MED30: variants seen among roughly 807,000 people sequenced by gnomAD.
The protein encoded by MED30 is mediator of RNA polymerase II transcription subunit 30.
In MED30, 8 loss-of-function variants were observed where a neutral mutation model predicts 21.7. The ratio of observed to expected loss-of-function variants is 0.37; its 90% CI spans 0.22 to 0.67. The LOEUF (loss-of-function observed/expected upper bound fraction) is 0.67, where lower values mean the gene tolerates loss of function less well. Ranked by LOEUF, MED30 falls within the 30% of genes least tolerant of loss-of-function variation. The pLI is 0.58. For missense variants in MED30, 203 were observed against 228.2 expected (o/e 0.89, Z 0.71); for synonymous variants, 79 against 86.7 (o/e 0.91, Z 0.49).
chr8:117,537,601 A>G (rs1818902533), intron 3 of MED30, among the ~76,000 whole-genome samples: 1 of 152,006 alleles, frequency 6.6e-6, no homozygotes, highest in East Asian at 1.9e-4. Context: ...AAAATACCCT[A>G]CAAATTTTAG....
chr8:117,532,029 G>C (rs908353019), intron 3 of MED30, among the ~76,000 whole-genome samples: 3 of 151,906 alleles, frequency 2.0e-5, no homozygotes, highest in African/African-American at 7.2e-5. Flanking sequence ...ATTGACTCTT[G>C]TAACAATTAA....
intron 1 of MED30, 118 bp downstream of exon 1, chr8:117,521,171 G>T: frequency 1.1e-6 from 1 of 944,790 alleles, no homozygotes; most frequent in Non-Finnish European, 1.5e-6. Flanking sequence ...AACCTTAGGT[G>T]TAGGGTCTCC....
chr8:117,530,738 G>T lies in MED30; in HGVS notation c.352G>T (p.Val118Leu). The T allele has an allele frequency of 6.2e-7, 1 of 1,610,662 alleles. No homozygotes were observed. Among genetic ancestry groups the T allele is most frequent in the Non-Finnish European group, 8.5e-7 (1 of 1,178,122 alleles). Residue 118 changes from valine (V) to leucine (L), a missense_variant, in exon 3 of 4, where the codon GTG becomes TTG. Val to Leu is a conservative substitution (Grantham distance 32). Transcript: ENST00000297347. Reference sequence around the variant, plus strand: ...TCATTCCCAGCAACTTATTCCATATGTGGAAGAAGATGGCTCAAAGAATGA... The same window carrying T: ...TCATTCCCAGCAACTTATTCCATATTTGGAAGAAGATGGCTCAAAGAATGA... ...PIPVEQLIPY[V>L]EEDGSKNDDR...
chr8:117,528,505 CTTAAAA>C, intron 1 of MED30, 140 bp from the exon 2 acceptor site: 2 of 555,262 alleles, frequency 3.6e-6, no homozygotes, highest in Non-Finnish European at 5.9e-6. Flanking sequence ...CTCTTAAATT[CTTAAAA>C]TTAAACTTGA....
rs1257160513 is a variant in MED30 at position 117,539,854 on chromosome 8, A to G, written c.442-29A>G. On this transcript the variant is annotated intron_variant, in intron 3 of 3. Transcript: ENST00000297347. ...CTTCATGGTCTATATTTCCTGAAAC[A>G]TTTTTGATAAATTCTTTTGTTTCTA... 6 of 1,364,090 alleles carry G rather than the reference A, an allele frequency of 4.4e-6. No homozygotes were observed. The South Asian group carries it at 6.0e-5, about 14-fold the overall frequency. 84.5% of individuals were successfully genotyped at this position (1,364,090 alleles called of 1,614,324 possible). A position where few individuals can be genotyped will look rare whatever the true frequency, so the allele number is the denominator to read the frequency against.
intron 1 of MED30, among the ~76,000 whole-genome samples, chr8:117,522,043 T>C (rs1000496949): frequency 6.6e-6 from 1 of 152,230 alleles, no homozygotes; most frequent in African/African-American, 2.4e-5. Context: ...AATGTAAACA[T>C]TGCTGTTTGA....
chr8:117,527,389 C>G (rs1415233631), intron 1 of MED30, among the ~76,000 whole-genome samples: 1 of 151,846 alleles, frequency 6.6e-6, no homozygotes, highest in African/African-American at 2.4e-5. Context: ...TCTGAAACTC[C>G]TAATAATATC....
chr8:117,526,768 G>T (rs1412522708), intron 1 of MED30, among the ~76,000 whole-genome samples: 1 of 151,956 alleles, frequency 6.6e-6, no homozygotes, highest in Non-Finnish European at 1.5e-5. Context: ...TCTTTTTAAT[G>T]ATTTAGTAAG....
chr8:117,535,081 C>T (rs1357734655), intron 3 of MED30, among the ~76,000 whole-genome samples: 1 of 151,874 alleles, frequency 6.6e-6, no homozygotes, highest in Non-Finnish European at 1.5e-5. Context: ...CAGCCTCTCT[C>T]TCCTGGACCC....
chr8:117,536,533 A>G (rs1818880538), intron 3 of MED30, among the ~76,000 whole-genome samples: 1 of 152,160 alleles, frequency 6.6e-6, no homozygotes. Context: ...AGAAGAACAT[A>G]TTGATGGTGT....
At chr8:117,539,180 G>A (rs1818935335) in intron 3 of MED30, among the ~76,000 whole-genome samples, 1 of 152,122 alleles carries the variant, frequency 6.6e-6, no homozygotes, top group African/African-American at 2.4e-5. Flanking sequence ...AAATAATTAG[G>A]TCAGTGTTGT....
intron 1 of MED30, among the ~76,000 whole-genome samples, chr8:117,527,937 C>G (rs879858845): frequency 6.6e-6 from 1 of 151,598 alleles, no homozygotes; most frequent in Non-Finnish European, 1.5e-5. Flanking sequence ...AATAAATAGT[C>G]GATTTTTGTT....
At chr8:117,523,283 G>C in intron 1 of MED30, 1 of 1,212,068 alleles carries the variant, frequency 8.3e-7, no homozygotes, top group Non-Finnish European at 1.2e-6. Flanking sequence ...GGCTGACCAT[G>C]TCCACGACCA....
intron 3 of MED30, among the ~76,000 whole-genome samples, chr8:117,536,962 CAA>C (rs1263687236): frequency 1.3e-5 from 2 of 152,182 alleles, no homozygotes; most frequent in Admixed American, 6.5e-5. Context: ...AGAAAGCTTA[CAA>C]ATTTGTATTG....
At position 117,523,675 on chromosome 8, in the gene MED30, A is replaced by G. The variant is rs906757820; in HGVS notation, c.177+2622A>G. 5.0e-6 allele frequency: 8 copies of G among 1,590,482 alleles called. No individual in the cohort carries two copies. In the African/African-American group the frequency reaches 1.1e-4, roughly 21 times the overall value. Reference sequence around the variant, plus strand: ...GTCTGCCAGCTCCGGGTGCTTAGGCATGTGGAATCCTCCTTGGCCACCATG... The same window carrying G: ...GTCTGCCAGCTCCGGGTGCTTAGGCGTGTGGAATCCTCCTTGGCCACCATG... On this transcript the variant is annotated intron_variant, in intron 1 of 3. Transcript: ENST00000297347.
intron 1 of MED30, 66 bp downstream of exon 1, chr8:117,521,119 T>C: frequency 1.4e-6 from 2 of 1,452,480 alleles, no homozygotes; most frequent in Non-Finnish European, 1.9e-6. Flanking sequence ...TGGTTTCCTC[T>C]TTACGTGGGG....
At chr8:117,522,074 C>T (rs1157213664) in intron 1 of MED30, among the ~76,000 whole-genome samples, 1 of 152,220 alleles carries the variant, frequency 6.6e-6, no homozygotes, top group Non-Finnish European at 1.5e-5. Flanking sequence ...TTCTCCTCAT[C>T]CTCATCAACA....
intron 1 of MED30, among the ~76,000 whole-genome samples, chr8:117,528,045 G>A (rs1350831898): frequency 6.6e-6 from 1 of 151,780 alleles, no homozygotes; most frequent in Non-Finnish European, 1.5e-5. Context: ...TATGATCATA[G>A]CAGTTACTTG....
chr8:117,521,141 C>A, intron 1 of MED30, 88 bp downstream of exon 1: 2 of 1,335,988 alleles, frequency 1.5e-6, no homozygotes, highest in South Asian at 1.5e-5. Flanking sequence ...CCGTGGATGT[C>A]ATCGGGGCTG....
Sources: allele counts gnomAD v4.1 joint callset (sites outside exome capture counted in the v4.1 genomes callset), GRCh38; gene constraint gnomAD v4.1.1; transcripts MANE v1.5; gene names NCBI Gene and HGNC (gene_info 2026-07-23, HGNC 2026-07-21).